The following NUDT3 variants were observed in gnomAD, a reference collection of about 807,000 sequenced individuals.
The protein encoded by NUDT3 is nudix hydrolase 3.
In NUDT3, 9 loss-of-function variants were observed where a neutral mutation model predicts 23.6. That is an observed-to-expected ratio of 0.38 (90% confidence interval 0.23 to 0.66). The LOEUF (loss-of-function observed/expected upper bound fraction) is 0.66, where lower values mean the gene tolerates loss of function less well. NUDT3 is among the 30% of genes least tolerant of loss of function. The probability of loss-of-function intolerance (pLI) is 0.52; values close to 1 mark genes in which losing one functional copy is unlikely to be tolerated. For synonymous variants in NUDT3, 86 were observed against 82.6 expected (o/e 1.04, Z -0.22); for missense variants, 172 against 218.5 (o/e 0.79, Z 1.34).
At chr6:34,300,939 T>C (rs1032483856) in intron 2 of NUDT3, among the ~76,000 whole-genome samples, 1 of 152,246 alleles carries the variant, frequency 6.6e-6, no homozygotes, top group Non-Finnish European at 1.5e-5. Context: ...CTTTTACTAC[T>C]TGGGTATGTA....
In NUDT3 at chr6:34,307,440, T is replaced by C. The variant is rs149282027; in HGVS notation, c.211-11755A>G. Among the ~76,000 whole-genome samples the C allele has an allele frequency of 1.6e-4, 24 of 151,886 alleles. 1 individual carries two copies. Among genetic ancestry groups the C allele is most frequent in the Admixed American group, 1.2e-3 (19 of 15,238 alleles). The stretch of plus-strand genomic sequence containing the variant: ...CAAAAATAAAAAAATTAGCCAGGCA[T>C]GGTGGCACGCCTGTAGTCTTAGCTA... On this transcript the variant is annotated intron_variant, in intron 2 of 4. Transcript: ENST00000607016.
chr6:34,392,625 G>C lies in NUDT3; in HGVS notation c.-263C>G, dbSNP rs1765228872. ...CGCCCCCTCTGCCGCCGCCACCCCC[G>C]ACGACGACCGCGCCGCCATCTTGGG... On this transcript the variant is annotated 5_prime_UTR_variant, in exon 1 of 5. Transcript: ENST00000607016. 3.9e-6 allele frequency: 1 copy of C among 254,722 alleles called. No individual in the cohort carries two copies. The highest frequency in any genetic ancestry group is 7.4e-6 in the Non-Finnish European group (1 of 134,712). The allele number at this position is 254,722 out of a possible 1,614,324, so 15.8% of individuals were successfully genotyped here.
chr6:34,304,190 T>C (rs1365819099), intron 2 of NUDT3, among the ~76,000 whole-genome samples: 1 of 150,310 alleles, frequency 6.7e-6, no homozygotes, highest in Non-Finnish European at 1.5e-5. Flanking sequence ...GATGCAGAGG[T>C]TGCAGTGAGC....
intron 2 of NUDT3, among the ~76,000 whole-genome samples, chr6:34,327,504 T>A (rs1044134969): frequency 1.4e-5 from 2 of 139,318 alleles, no homozygotes; most frequent in Non-Finnish European, 1.5e-5. Context: ...CACTCCAGCC[T>A]AGCAATAGGG....
chr6:34,389,758 T>A (rs1765164922), intron 1 of NUDT3, among the ~76,000 whole-genome samples: 1 of 152,036 alleles, frequency 6.6e-6, no homozygotes, highest in Admixed American at 6.5e-5. Context: ...GGTCAGGAGA[T>A]TGAGACCATC....
At chr6:34,364,125 A>G (rs908450666) in intron 1 of NUDT3, among the ~76,000 whole-genome samples, 40 of 152,134 alleles carry the variant, frequency 2.6e-4, no homozygotes, top group African/African-American at 8.9e-4. Context: ...GGTGTTTTCT[A>G]TTGCTGTCAA....
At chr6:34,354,735 G>GTA (rs142735114) in intron 1 of NUDT3, among the ~76,000 whole-genome samples, 4,403 of 120,644 alleles carry the variant, frequency 0.036, 236 homozygotes, top group African/African-American at 0.11. Context: ...GGGGGAAAAA[G>GTA]TATATATATA....
intron 2 of NUDT3, among the ~76,000 whole-genome samples, chr6:34,300,631 A>G (rs745857183): frequency 6.6e-6 from 1 of 152,238 alleles, no homozygotes; most frequent in Non-Finnish European, 1.5e-5. Flanking sequence ...TCATCTGATC[A>G]TAAGGGGAAG....
chr6:34,357,052 C>T (rs1182818441), intron 1 of NUDT3, among the ~76,000 whole-genome samples: 1 of 152,186 alleles, frequency 6.6e-6, no homozygotes, highest in Non-Finnish European at 1.5e-5. Flanking sequence ...GCTGGGATTA[C>T]AGGCGTGAAC....
chr6:34,338,539 G>A (rs140514285), intron 2 of NUDT3, among the ~76,000 whole-genome samples: 269 of 152,332 alleles, frequency 1.8e-3, no homozygotes, highest in African/African-American at 6.0e-3. Flanking sequence ...TTGTGGCCCA[G>A]TGTTTTGTGC....
intron 2 of NUDT3, among the ~76,000 whole-genome samples, chr6:34,331,184 G>C (rs566385031): frequency 6.6e-6 from 1 of 152,212 alleles, no homozygotes; most frequent in East Asian, 1.9e-4. Context: ...ACTGCGGATA[G>C]ATTAACAAGG....
intron 1 of NUDT3, 28 bp downstream of exon 1, chr6:34,392,236 C>T (rs1765216557): frequency 6.5e-7 from 1 of 1,543,024 alleles, no homozygotes; most frequent in Non-Finnish European, 8.7e-7. Flanking sequence ...GACCCGGCGA[C>T]CCCGGCCCGC....
At chr6:34,299,357 A>G (rs926717752) in intron 2 of NUDT3, among the ~76,000 whole-genome samples, 1 of 152,210 alleles carries the variant, frequency 6.6e-6, no homozygotes, top group Non-Finnish European at 1.5e-5. Context: ...AGTCCATCTT[A>G]GTAGAGATAA....
chr6:34,293,087 G>C (rs564991138), intron 4 of NUDT3, among the ~76,000 whole-genome samples: 3 of 152,206 alleles, frequency 2.0e-5, no homozygotes, highest in South Asian at 4.1e-4. Context: ...TTTTGAGACA[G>C]AGTCTCACTC....
intron 2 of NUDT3, among the ~76,000 whole-genome samples, chr6:34,326,887 T>C (rs928354005): frequency 6.6e-6 from 1 of 151,756 alleles, no homozygotes; most frequent in Non-Finnish European, 1.5e-5. Context: ...AGGCGTGAAA[T>C]GTAGGGTCCC....
intron 2 of NUDT3, among the ~76,000 whole-genome samples, chr6:34,341,267 G>A (rs1764284296): frequency 6.6e-6 from 1 of 152,056 alleles, no homozygotes; most frequent in Admixed American, 6.6e-5. Context: ...CTTGAAATAA[G>A]AGAACTAAGA....
intron 1 of NUDT3, among the ~76,000 whole-genome samples, chr6:34,365,503 CAT>C (rs756801232): frequency 3.3e-5 from 5 of 152,116 alleles, no homozygotes; most frequent in Admixed American, 6.6e-5. Flanking sequence ...GATTCTGACA[CAT>C]GTTGCAAGAT....
chr6:34,381,217 T>G, intron 1 of NUDT3, among the ~76,000 whole-genome samples: 1 of 152,016 alleles, frequency 6.6e-6, no homozygotes, highest in Non-Finnish European at 1.5e-5. Flanking sequence ...GAGGTCCCAC[T>G]ACATTGCTCA....
chr6:34,380,395 C>A (rs1282698174), intron 1 of NUDT3, among the ~76,000 whole-genome samples: 1 of 152,092 alleles, frequency 6.6e-6, no homozygotes, highest in South Asian at 2.1e-4. Flanking sequence ...CTCTGTCACC[C>A]AGGTTGGAGT....
Sources: allele counts gnomAD v4.1 joint callset (sites outside exome capture counted in the v4.1 genomes callset), GRCh38; gene constraint gnomAD v4.1.1; transcripts MANE v1.5; gene names NCBI Gene and HGNC (gene_info 2026-07-23, HGNC 2026-07-21).